Variants in SLC37A3 observed in about 807,000 individuals in gnomAD.
SLC37A3 encodes the protein sugar phosphate exchanger 3.
Under a neutral mutation model 67.1 loss-of-function variants are expected in SLC37A3, and 51 were observed. The ratio of observed to expected loss-of-function variants is 0.76; its 90% CI spans 0.61 to 0.96. SLC37A3 has a LOEUF of 0.96. Ranked by LOEUF, SLC37A3 falls within the 40% of genes least tolerant of loss-of-function variation. The pLI is 0.00. For synonymous variants in SLC37A3, 214 were observed against 231.4 expected (o/e 0.92, Z 0.68); for missense variants, 508 against 603.0 (o/e 0.84, Z 1.65).
At position 140,380,405 on chromosome 7, in the gene SLC37A3, G is replaced by T. The variant is rs767427544; in HGVS notation, c.90-15C>A. On this transcript the variant is annotated splice_polypyrimidine_tract_variant and intron_variant, in intron 2 of 14. Transcript: ENST00000326232. ...GCAACGAATAACTACAAAATAGAGAGAATACAGATGAATGAATAGCAAAGA... is the reference window on the plus strand; with the variant it reads ...GCAACGAATAACTACAAAATAGAGATAATACAGATGAATGAATAGCAAAGA... 6 of 1,521,706 alleles carry T rather than the reference G, an allele frequency of 3.9e-6. No individual in the cohort carries two copies. The highest frequency in any genetic ancestry group is 5.5e-6 in the Non-Finnish European group (6 of 1,098,046). The allele number at this position is 1,521,706 out of a possible 1,614,324, so 94.3% of individuals were successfully genotyped here. A position where few individuals can be genotyped will look rare whatever the true frequency, so the allele number is the denominator to read the frequency against.
At chr7:140,348,526 A>C (rs1796666266) in intron 10 of SLC37A3, 100 bp downstream of exon 10, 2 of 1,319,160 alleles carry the variant, frequency 1.5e-6, no homozygotes, top group Admixed American at 2.8e-5. Flanking sequence ...ATGGCTGTAG[A>C]ATAAGTAATA....
chr7:140,349,958 C>G (rs764794236), intron 9 of SLC37A3, among the ~76,000 whole-genome samples: 16 of 152,174 alleles, frequency 1.1e-4, no homozygotes, highest in Non-Finnish European at 1.3e-4. Context: ...TATATCATCA[C>G]TGGGTTAAAG....
At chr7:140,337,098 C>CAAAAAAA (rs1172096190) in intron 14 of SLC37A3, among the ~76,000 whole-genome samples, 186 bp downstream of exon 14, 27 of 69,448 alleles carry the variant, frequency 3.9e-4, no homozygotes, top group African/African-American at 5.0e-4. Context: ...GACTCTGCCT[C>CAAAAAAA]AAAAAAAAAA....
At chr7:140,369,703 C>T in intron 3 of SLC37A3, 21 bp from the exon 4 acceptor site, 1 of 1,604,072 alleles carries the variant, frequency 6.2e-7, no homozygotes, top group Non-Finnish European at 8.5e-7. Context: ...ACAGCAGGAA[C>T]AGGTCAGTCC....
At chr7:140,375,558 A>G (rs187520151) in intron 3 of SLC37A3, among the ~76,000 whole-genome samples, 2 of 152,348 alleles carry the variant, frequency 1.3e-5, no homozygotes, top group Admixed American at 1.3e-4. Flanking sequence ...TTTATTTTTA[A>G]TCCATGTCAA....
chr7:140,396,673 A>C (rs1478175188), intron 1 of SLC37A3, among the ~76,000 whole-genome samples: 3 of 152,176 alleles, frequency 2.0e-5, no homozygotes, highest in African/African-American at 7.2e-5. Flanking sequence ...CAGAACCTTA[A>C]ACAATGAACA....
Position 140,335,068 on chromosome 7 carries a change from G to A in SLC37A3, c.*344C>T, listed in dbSNP as rs1337518922. On this transcript the variant is annotated 3_prime_UTR_variant, in exon 15 of 15. Transcript: ENST00000326232. ...CCTGTTCACTCCATTTTCAAGGCTAGAGAAAGTTCAAGTCCAAAACAACAG... is the reference window on the plus strand; with the variant it reads ...CCTGTTCACTCCATTTTCAAGGCTAAAGAAAGTTCAAGTCCAAAACAACAG... 2 of 717,706 alleles carry A rather than the reference G, an allele frequency of 2.8e-6. No individual in the cohort carries two copies. Among genetic ancestry groups the A allele is most frequent in the South Asian group, 1.9e-5 (1 of 51,718 alleles). 44.5% of individuals were successfully genotyped at this position (717,706 alleles called of 1,614,324 possible). A position where few individuals can be genotyped will look rare whatever the true frequency, so the allele number is the denominator to read the frequency against.
chr7:140,352,295 G>C (rs1585277666), intron 7 of SLC37A3, 149 bp from the exon 8 acceptor site: 1 of 659,020 alleles, frequency 1.5e-6, no homozygotes, highest in Non-Finnish European at 2.6e-6. Context: ...CTTCTACTGG[G>C]CCGGGCGCCA....
At chr7:140,375,489 A>T in intron 3 of SLC37A3, among the ~76,000 whole-genome samples, 1 of 147,392 alleles carries the variant, frequency 6.8e-6, no homozygotes, top group African/African-American at 2.5e-5. Context: ...AAAAAAAAAA[A>T]TTAAATCTAA....
intron 2 of SLC37A3, among the ~76,000 whole-genome samples, chr7:140,381,242 G>C (rs534409480): frequency 1.3e-5 from 2 of 150,390 alleles, no homozygotes; most frequent in East Asian, 4.0e-4. Flanking sequence ...AGCCAAGCAC[G>C]GTGGCTCACG....
At chr7:140,390,699 C>T (rs891722566) in intron 1 of SLC37A3, among the ~76,000 whole-genome samples, 1 of 152,100 alleles carries the variant, frequency 6.6e-6, no homozygotes, top group South Asian at 2.1e-4. Context: ...TTCTCTTCAC[C>T]ACCACCCTTC....
At chr7:140,345,518 C>A (rs1369594901) in intron 11 of SLC37A3, among the ~76,000 whole-genome samples, 1 of 152,134 alleles carries the variant, frequency 6.6e-6, no homozygotes, top group African/African-American at 2.4e-5. Context: ...AGGGAATATA[C>A]CAAACCTACT....
chr7:140,339,767 C>T (rs1178775304), intron 13 of SLC37A3, among the ~76,000 whole-genome samples: 3 of 149,202 alleles, frequency 2.0e-5, no homozygotes, highest in Non-Finnish European at 4.5e-5. Flanking sequence ...GATGGAGTCT[C>T]ACTCTGTCAC....
In SLC37A3 at chr7:140,351,419, C is replaced by G. The variant is rs1402582379; in HGVS notation, c.736G>C (p.Glu246Gln). ...ATTAATGGCCTGTGTGAGTCTTCTTCAAAGTTTTCTTCTGCCTCAATACCC... is the reference window on the plus strand; with the variant it reads ...ATTAATGGCCTGTGTGAGTCTTCTTGAAAGTTTTCTTCTGCCTCAATACCC... ...LSGIEAEENF[E>Q]EDSHRPLING... The change falls in exon 9 of 15, where the codon GAA becomes CAA. Residue 246 changes from glutamate to glutamine, a missense_variant. By Grantham distance (29) the Glu-to-Gln change is conservative. Coordinates refer to ENST00000326232, the MANE Select transcript of SLC37A3 (RefSeq NM_207113.3). 1 of 1,614,012 alleles carries G rather than the reference C, an allele frequency of 6.2e-7. No individual in the cohort carries two copies.
chr7:140,397,512 T>A (rs1280845378), intron 1 of SLC37A3, among the ~76,000 whole-genome samples: 1 of 152,052 alleles, frequency 6.6e-6, no homozygotes, highest in Non-Finnish European at 1.5e-5. Context: ...AATTTCCTCA[T>A]GTATTAATTA....
At chr7:140,355,248 G>A (rs533493362) in intron 7 of SLC37A3, among the ~76,000 whole-genome samples, 1 of 150,348 alleles carries the variant, frequency 6.7e-6, no homozygotes, top group Admixed American at 6.6e-5. Flanking sequence ...GTCTCACTCT[G>A]TCACCCAGGC....
At chr7:140,345,150 A>T in intron 12 of SLC37A3, 66 bp downstream of exon 12, 5 of 1,426,002 alleles carry the variant, frequency 3.5e-6, no homozygotes, top group Non-Finnish European at 4.9e-6. Flanking sequence ...GGGAGAAAAC[A>T]GTTTCCCTTT....
intron 5 of SLC37A3, among the ~76,000 whole-genome samples, chr7:140,360,336 T>C (rs1256080660): frequency 6.6e-6 from 1 of 151,916 alleles, no homozygotes; most frequent in African/African-American, 2.4e-5. Context: ...AGACCTTATC[T>C]CTAAAAAAAT....
At chr7:140,390,904 T>C (rs1798702698) in intron 1 of SLC37A3, among the ~76,000 whole-genome samples, 1 of 152,162 alleles carries the variant, frequency 6.6e-6, no homozygotes, top group African/African-American at 2.4e-5. Flanking sequence ...TTTCCTGCCT[T>C]ACCAACTTAG....
Sources: gnomAD v4.1 joint callset for allele counts (sites outside exome capture counted in the v4.1 genomes callset) on GRCh38, gnomAD v4.1.1 for gene constraint, MANE v1.5 for transcripts, NCBI Gene and HGNC (gene_info 2026-07-23, HGNC 2026-07-21) for gene names.